Variants in POU2F1 observed in about 807,000 individuals in gnomAD.
The protein encoded by POU2F1 is POU domain, class 2, transcription factor 1.
In POU2F1, 16 loss-of-function variants were observed where a neutral mutation model predicts 84.9. The ratio of observed to expected loss-of-function variants is 0.19; its 90% CI spans 0.13 to 0.29. The LOEUF (loss-of-function observed/expected upper bound fraction) is 0.29, where lower values mean the gene tolerates loss of function less well. POU2F1 is among the 10% of genes least tolerant of loss of function. POU2F1 has a pLI of 1.00. For synonymous variants in POU2F1, 368 were observed against 368.3 expected, an observed-to-expected ratio of 1.00 and a Z score of 0.01; for missense variants, 738 against 942.6, an observed-to-expected ratio of 0.78 and a Z score of 2.84.
intron 2 of POU2F1, among the ~76,000 whole-genome samples, chr1:167,349,240 C>T (rs888122130): frequency 2.0e-5 from 3 of 152,094 alleles, no homozygotes; most frequent in African/African-American, 7.2e-5. Flanking sequence ...GGAAGCTTCC[C>T]TGACCTTGCC....
chr1:167,229,695 A>G (rs1001380955), intron 1 of POU2F1, among the ~76,000 whole-genome samples: 1 of 152,332 alleles, frequency 6.6e-6, no homozygotes, highest in African/African-American at 2.4e-5. Flanking sequence ...CACAGGAGTA[A>G]AATCAGGAAT....
chr1:167,300,816 G>A (rs895586875), intron 1 of POU2F1, among the ~76,000 whole-genome samples: 1 of 151,910 alleles, frequency 6.6e-6, no homozygotes, highest in Non-Finnish European at 1.5e-5. Context: ...TGTTGCCCAG[G>A]CTGGAGTGCA....
At chr1:167,257,573 T>C (rs1651236907) in intron 1 of POU2F1, among the ~76,000 whole-genome samples, 1 of 152,204 alleles carries the variant, frequency 6.6e-6, no homozygotes, top group South Asian at 2.1e-4. Context: ...TTATTAAAAC[T>C]ATTTGAGGCA....
intron 1 of POU2F1, among the ~76,000 whole-genome samples, chr1:167,290,896 C>T (rs1003867075): frequency 1.3e-5 from 2 of 151,940 alleles, no homozygotes; most frequent in South Asian, 4.1e-4. Context: ...AATTTTAAAA[C>T]CAGCTGGATG....
At chr1:167,221,787 G>A (rs910907091) in intron 1 of POU2F1, among the ~76,000 whole-genome samples, 1 of 152,012 alleles carries the variant, frequency 6.6e-6, no homozygotes, top group Admixed American at 6.5e-5. Flanking sequence ...CTGGGGCGGC[G>A]GGGGTGGGGA....
intron 1 of POU2F1, among the ~76,000 whole-genome samples, chr1:167,227,661 G>T (rs889932829): frequency 6.6e-6 from 1 of 152,150 alleles, no homozygotes; most frequent in Admixed American, 6.5e-5. Flanking sequence ...TCTATAAAAG[G>T]TATCTGCTAT....
intron 1 of POU2F1, among the ~76,000 whole-genome samples, chr1:167,288,831 T>C (rs558634058): frequency 6.6e-6 from 1 of 152,348 alleles, no homozygotes; most frequent in East Asian, 1.9e-4. Context: ...ATCTAGAATT[T>C]CCGTTCAAAA....
chr1:167,295,025 A>G (rs770100818), intron 1 of POU2F1, among the ~76,000 whole-genome samples: 1 of 151,866 alleles, frequency 6.6e-6, no homozygotes, highest in Non-Finnish European at 1.5e-5. Context: ...CCAGCTACTC[A>G]GGAGGCTGAG....
intron 2 of POU2F1, among the ~76,000 whole-genome samples, chr1:167,351,578 G>A (rs1048850742): frequency 6.8e-6 from 1 of 147,392 alleles, no homozygotes; most frequent in Non-Finnish European, 1.5e-5. Context: ...AACTATTAAT[G>A]TTATATCTTA....
chr1:167,341,270 TA>T (rs1657829404), intron 2 of POU2F1, among the ~76,000 whole-genome samples: 2 of 152,120 alleles, frequency 1.3e-5, no homozygotes, highest in African/African-American at 4.8e-5. Context: ...ATAATGCAGG[TA>T]AAAAGGATAT....
In POU2F1 at chr1:167,285,517, C is replaced by T. The variant is rs369597134; in HGVS notation, c.62-46953C>T. On this transcript the variant is annotated intron_variant, in intron 1 of 15. Coordinates refer to ENST00000367866, the MANE Select transcript of POU2F1 (RefSeq NM_002697.4). ...TGAAGCAGGAGAATGGCGTGAACCC[C>T]GGGAGGCAAAGCTTGCGGTGAGCTG... 8.1e-4 allele frequency among the ~76,000 whole-genome samples: 123 copies of T among 151,822 alleles called. 1 individual carries two copies. In the East Asian group the frequency reaches 0.021, roughly 25 times the overall value.
rs556714145 is a variant in POU2F1, at chr1:167,416,778, G to T, written c.*968G>T. The stretch of plus-strand genomic sequence containing the variant: ...AATCATTGAATGACCCTGAGGCCCA[G>T]TTCCTGTGGTGCAACAGTGCTGCTT... On this transcript the variant is annotated 3_prime_UTR_variant, in exon 16 of 16. Transcript: ENST00000367866. The T allele has an allele frequency of 6.6e-6, 1 of 152,440 alleles. No homozygotes were observed. The highest frequency in any genetic ancestry group is 2.1e-4 in the South Asian group (1 of 4,824). 9.4% of individuals were successfully genotyped at this position (152,440 alleles called of 1,614,324 possible). A position where few individuals can be genotyped will look rare whatever the true frequency, so the allele number is the denominator to read the frequency against.
intron 13 of POU2F1, among the ~76,000 whole-genome samples, chr1:167,409,171 T>A (rs1026146423): frequency 1.3e-5 from 2 of 152,228 alleles, no homozygotes; most frequent in African/African-American, 4.8e-5. Context: ...TCAGCTCTTA[T>A]ATTTAGGCCT....
chr1:167,251,302 G>C lies in POU2F1; in HGVS notation c.61+30344G>C, dbSNP rs1650709220. 5.9e-5 allele frequency among the ~76,000 whole-genome samples: 9 copies of C among 152,276 alleles called. No individual in the cohort carries two copies. In the South Asian group the frequency reaches 1.9e-3, roughly 32 times the overall value. ...TGGTCCCAGCTATTCAGGAGGCTGA[G>C]GTGGGAGGATTGATTGAGCCCAGTA... On this transcript the variant is annotated intron_variant, in intron 1 of 15. Transcript: ENST00000367866.
intron 1 of POU2F1, among the ~76,000 whole-genome samples, chr1:167,314,044 A>G (rs551314200): frequency 6.6e-6 from 1 of 152,126 alleles, no homozygotes; most frequent in African/African-American, 2.4e-5. Flanking sequence ...TGAAAATACA[A>G]AAATATTAGC....
intron 1 of POU2F1, among the ~76,000 whole-genome samples, chr1:167,257,487 T>G (rs1055455365): frequency 6.6e-6 from 1 of 152,196 alleles, no homozygotes; most frequent in Non-Finnish European, 1.5e-5. Flanking sequence ...CAGTTGAAAA[T>G]GTTGGAACCG....
Position 167,418,049 on chromosome 1 carries a change from G to T in POU2F1, c.*2239G>T, listed in dbSNP as rs916066637. ...TCCATTCACCCTTTTTGTGTGGTGT[G>T]TTTTTTTATGTTTTGTTTTGTTTTT... On this transcript the variant is annotated 3_prime_UTR_variant, in exon 16 of 16. Coordinates refer to ENST00000367866, the MANE Select transcript of POU2F1 (RefSeq NM_002697.4). The T allele has an allele frequency of 1.3e-5, 2 of 152,066 alleles. No homozygotes were observed. Among genetic ancestry groups the T allele is most frequent in the Admixed American group, 6.6e-5 (1 of 15,264 alleles). 9.4% of individuals were successfully genotyped at this position (152,066 alleles called of 1,614,324 possible).
Position 167,320,878 on chromosome 1 carries a change from A to T in POU2F1, c.62-11592A>T, listed in dbSNP as rs185969029. ...ACTAGGATCTCCTCAAAGGATAGAAAATAGATTACTCATGGCATAGGTAGG... is the reference window on the plus strand; with the variant it reads ...ACTAGGATCTCCTCAAAGGATAGAATATAGATTACTCATGGCATAGGTAGG... On this transcript the variant is annotated intron_variant, in intron 1 of 15. Transcript: ENST00000367866. Among the ~76,000 whole-genome samples the T allele has an allele frequency of 4.5e-4, 68 of 152,338 alleles. 1 individual carries two copies. The East Asian group carries it at 7.5e-3, about 17-fold the overall frequency.
chr1:167,412,986 T>C (rs1471534968), intron 14 of POU2F1, 40 bp from the exon 15 acceptor site: 1 of 1,508,500 alleles, frequency 6.6e-7, no homozygotes, highest in South Asian at 1.1e-5. Flanking sequence ...GAGACCTGCG[T>C]CTGCATGGTA....
Sources: gnomAD v4.1 joint callset for allele counts (sites outside exome capture counted in the v4.1 genomes callset) on GRCh38, gnomAD v4.1.1 for gene constraint, MANE v1.5 for transcripts, NCBI Gene and HGNC (gene_info 2026-07-23, HGNC 2026-07-21) for gene names.